The following HYCC2 variants were observed in gnomAD, a reference collection of about 807,000 sequenced individuals.
HYCC2 encodes hyccin 2.
the HYCC2 span, among the ~76,000 whole-genome samples, chr2:201,027,143 T>A: frequency 6.6e-6 from 1 of 152,028 alleles, no homozygotes; most frequent in East Asian, 1.9e-4. Context: ...TCACCACTGA[T>A]CCCACAGAAA....
chr2:200,987,295 G>A, the HYCC2 span: 1 of 1,211,996 alleles, frequency 8.3e-7, no homozygotes, highest in Non-Finnish European at 1.1e-6. Context: ...TGCTCTGCTT[G>A]GGGATAGAGA....
the HYCC2 span, among the ~76,000 whole-genome samples, chr2:201,054,052 T>C: frequency 6.6e-6 from 1 of 152,148 alleles, no homozygotes; most frequent in African/African-American, 2.4e-5. Flanking sequence ...CATAAAAGAC[T>C]CTGAAAAGCT....
At chr2:201,010,931 G>A in the HYCC2 span, among the ~76,000 whole-genome samples, 364 of 152,108 alleles carry the variant, frequency 2.4e-3, 3 homozygotes, top group African/African-American at 8.5e-3. Flanking sequence ...CGGATCACAA[G>A]GTCAGGTGTT....
the HYCC2 span, among the ~76,000 whole-genome samples, chr2:201,050,541 G>A: frequency 3.4e-5 from 5 of 148,814 alleles, no homozygotes; most frequent in Non-Finnish European, 5.9e-5. Context: ...ACAGTGGGCC[G>A]AGATCACGCC....
At chr2:200,990,931 C>T in the HYCC2 span, among the ~76,000 whole-genome samples, 1 of 151,790 alleles carries the variant, frequency 6.6e-6, no homozygotes, top group Non-Finnish European at 1.5e-5. Flanking sequence ...TGGTCTTGAA[C>T]TTGTGGCCTC....
chr2:201,024,532 A>C, the HYCC2 span, among the ~76,000 whole-genome samples: 1 of 151,468 alleles, frequency 6.6e-6, no homozygotes, highest in Non-Finnish European at 1.5e-5. Flanking sequence ...GATACACTTG[A>C]AACCTATTAT....
the HYCC2 span, chr2:200,974,067 G>A: frequency 1.3e-5 from 2 of 151,988 alleles, no homozygotes; most frequent in Admixed American, 6.6e-5. Flanking sequence ...CTGAAAAAAT[G>A]AAGGTTGTCA....
chr2:201,000,941 C>G, the HYCC2 span, among the ~76,000 whole-genome samples: 3 of 148,872 alleles, frequency 2.0e-5, no homozygotes, highest in Non-Finnish European at 3.0e-5. Context: ...CAAGACCAGC[C>G]TGGCCAACAT....
chr2:200,995,038 T>C, the HYCC2 span, among the ~76,000 whole-genome samples: 3 of 151,612 alleles, frequency 2.0e-5, no homozygotes, highest in Non-Finnish European at 2.9e-5. Flanking sequence ...AAAAATTCTA[T>C]TGAAGGCCAC....
At chr2:201,029,661 G>A in the HYCC2 span, among the ~76,000 whole-genome samples, 3 of 152,062 alleles carry the variant, frequency 2.0e-5, no homozygotes, top group African/African-American at 7.2e-5. Flanking sequence ...CAATCATTCT[G>A]AGCAAACTAT....
the HYCC2 span, among the ~76,000 whole-genome samples, chr2:201,068,147 C>T: frequency 6.6e-6 from 1 of 152,016 alleles, no homozygotes; most frequent in East Asian, 1.9e-4. Context: ...ATTAGCCGGG[C>T]GTGGTGGCAC....
the HYCC2 span, among the ~76,000 whole-genome samples, chr2:201,025,540 A>C: frequency 6.6e-6 from 1 of 152,230 alleles, no homozygotes; most frequent in Non-Finnish European, 1.5e-5. Context: ...AGGAATCAAA[A>C]GAGCTTCTCT....
the HYCC2 span, among the ~76,000 whole-genome samples, chr2:201,069,044 G>A: frequency 6.6e-6 from 1 of 152,144 alleles, no homozygotes; most frequent in African/African-American, 2.4e-5. Context: ...CAAAGTACTG[G>A]TATGATAACT....
the HYCC2 span, chr2:201,011,528 A>T: frequency 2.0e-6 from 2 of 980,542 alleles, no homozygotes; most frequent in South Asian, 3.8e-5. Flanking sequence ...ACACGAAATA[A>T]TAATTACTTT....
chr2:200,991,357 C>G, the HYCC2 span, among the ~76,000 whole-genome samples: 1 of 152,046 alleles, frequency 6.6e-6, no homozygotes, highest in Admixed American at 6.6e-5. Flanking sequence ...ATCACGAGGT[C>G]AGGAGATCGA....
At chr2:201,026,126 C>A in the HYCC2 span, among the ~76,000 whole-genome samples, 1 of 151,974 alleles carries the variant, frequency 6.6e-6, no homozygotes, top group South Asian at 2.1e-4. Flanking sequence ...GAAGAGCTAC[C>A]AAGCAAATGG....
At chr2:201,014,070 T>C in the HYCC2 span, among the ~76,000 whole-genome samples, 2 of 152,208 alleles carry the variant, frequency 1.3e-5, no homozygotes, top group African/African-American at 2.4e-5. Flanking sequence ...TGAGCATTTT[T>C]CTATAGTATA....
At chr2:201,060,095 G>A in the HYCC2 span, among the ~76,000 whole-genome samples, 1 of 147,458 alleles carries the variant, frequency 6.8e-6, no homozygotes, top group African/African-American at 2.5e-5. Flanking sequence ...CAACTTTTCT[G>A]GGGCAGGGAG....
At chr2:201,003,737 C>A in the HYCC2 span, among the ~76,000 whole-genome samples, 2 of 148,348 alleles carry the variant, frequency 1.3e-5, no homozygotes, top group Non-Finnish European at 3.0e-5. Context: ...GAAAACATAT[C>A]AGCTTAGCAG....
Sources: gnomAD v4.1 joint callset for allele counts (sites outside exome capture counted in the v4.1 genomes callset) on GRCh38, gnomAD v4.1.1 for gene constraint, MANE v1.5 for transcripts, NCBI Gene and HGNC (gene_info 2026-07-23, HGNC 2026-07-21) for gene names.